KALRN: variants seen among roughly 807,000 people sequenced by gnomAD.
The protein encoded by KALRN is kalirin.
Under a neutral mutation model 353.7 loss-of-function variants are expected in KALRN, and 70 were observed. The ratio of observed to expected loss-of-function variants is 0.20; its 90% confidence interval spans 0.16 to 0.24. The LOEUF (loss-of-function observed/expected upper bound fraction) is 0.24, where lower values mean the gene tolerates loss of function less well. Ranked by LOEUF, KALRN falls within the 10% of genes least tolerant of loss-of-function variation. KALRN has a pLI of 1.00. For synonymous variants in KALRN, 1,391 were observed against 1,434.8 expected (o/e 0.97, Z 0.69); for missense variants, 2,791 against 3,756.7 (o/e 0.74, Z 6.72).
intron 37 of KALRN, among the ~76,000 whole-genome samples, chr3:124,647,430 T>C (rs1660031): frequency 0.23 from 35,726 of 152,042 alleles, 4,494 homozygotes; most frequent in East Asian, 0.47. Context: ...TCATTTGTTC[T>C]TTCACCCTAT....
intron 6 of KALRN, among the ~76,000 whole-genome samples, chr3:124,314,357 G>A (rs1192274405): frequency 1.7e-5 from 2 of 117,570 alleles, no homozygotes; most frequent in Non-Finnish European, 3.4e-5. Flanking sequence ...TTGTGGGGTG[G>A]GGGGAGGGGG....
intron 1 of KALRN, among the ~76,000 whole-genome samples, chr3:124,076,789 A>G (rs976916839): frequency 6.6e-6 from 1 of 152,224 alleles, no homozygotes; most frequent in Non-Finnish European, 1.5e-5. Context: ...GTGTCCCAGC[A>G]GCCACTCAGC....
chr3:124,331,502 C>G (rs542067487), intron 8 of KALRN, among the ~76,000 whole-genome samples: 1 of 152,196 alleles, frequency 6.6e-6, no homozygotes, highest in African/African-American at 2.4e-5. Flanking sequence ...ATGTAATGCA[C>G]TTGGCCCAGT....
chr3:124,034,483 T>C (rs538302677), intron 1 of KALRN, among the ~76,000 whole-genome samples: 5 of 152,242 alleles, frequency 3.3e-5, no homozygotes, highest in Non-Finnish European at 7.4e-5. Context: ...TACTCATTCC[T>C]GGAAGTGTGA....
intron 33 of KALRN, among the ~76,000 whole-genome samples, chr3:124,553,438 T>C (rs2070796336): frequency 6.6e-6 from 1 of 152,228 alleles, no homozygotes; most frequent in African/African-American, 2.4e-5. Context: ...TGCACTTCTG[T>C]GAAAATCGTC....
At chr3:124,441,538 G>A (rs1303659532) in intron 18 of KALRN, among the ~76,000 whole-genome samples, 4 of 152,188 alleles carry the variant, frequency 2.6e-5, no homozygotes, top group Non-Finnish European at 5.9e-5. Context: ...AAAAGTATAA[G>A]GAGGAGCCAG....
chr3:124,641,418 G>C (rs2082029519), intron 37 of KALRN, among the ~76,000 whole-genome samples: 1 of 152,224 alleles, frequency 6.6e-6, no homozygotes, highest in Non-Finnish European at 1.5e-5. Flanking sequence ...TGCTTTCACT[G>C]TGTGATTTTT....
chr3:124,388,085 A>G (rs535591598), intron 11 of KALRN, among the ~76,000 whole-genome samples: 8 of 152,202 alleles, frequency 5.3e-5, no homozygotes, highest in Admixed American at 3.3e-4. Flanking sequence ...CCCACACACT[A>G]AGTACAGCAA....
intron 1 of KALRN, among the ~76,000 whole-genome samples, chr3:124,187,739 T>G (rs1258628037): frequency 2.0e-5 from 3 of 152,168 alleles, no homozygotes; most frequent in African/African-American, 7.2e-5. Flanking sequence ...ACAGGCCAAT[T>G]AAGTCTACAA....
At chr3:124,379,911 T>G (rs1311529857) in intron 10 of KALRN, among the ~76,000 whole-genome samples, 1 of 152,248 alleles carries the variant, frequency 6.6e-6, no homozygotes, top group African/African-American at 2.4e-5. Flanking sequence ...GTGTCTCCTT[T>G]GTCTTTAATG....
chr3:124,490,625 G>T (rs926735514), intron 29 of KALRN, 69 bp from the exon 30 acceptor site: 14 of 1,436,862 alleles, frequency 9.7e-6, no homozygotes, highest in Non-Finnish European at 1.2e-5. Flanking sequence ...CTCCAAGAGG[G>T]GGGTGGAACA....
intron 33 of KALRN, among the ~76,000 whole-genome samples, chr3:124,515,147 G>T (rs1051359100): frequency 6.6e-6 from 1 of 152,166 alleles, no homozygotes; most frequent in South Asian, 2.1e-4. Flanking sequence ...TCCTTTTGTG[G>T]CTATTTTTCT....
At chr3:124,494,424 G>T (rs2108501514) in intron 32 of KALRN, among the ~76,000 whole-genome samples, 1 of 152,358 alleles carries the variant, frequency 6.6e-6, no homozygotes, top group East Asian at 1.9e-4. Context: ...ATAGCGGGAA[G>T]CAGAAAGTAC....
intron 1 of KALRN, among the ~76,000 whole-genome samples, chr3:124,211,762 C>T (rs949101866): frequency 6.6e-6 from 1 of 152,196 alleles, no homozygotes; most frequent in African/African-American, 2.4e-5. Flanking sequence ...GGGCTCTCTT[C>T]TGCCTCTCGA....
chr3:124,369,846 T>C (rs2085584683), intron 10 of KALRN, among the ~76,000 whole-genome samples: 1 of 147,586 alleles, frequency 6.8e-6, no homozygotes, highest in African/African-American at 2.5e-5. Context: ...AGATTCCACA[T>C]ATAAGTGAGA....
intron 1 of KALRN, among the ~76,000 whole-genome samples, chr3:124,069,644 T>C (rs1190517914): frequency 6.6e-6 from 1 of 152,112 alleles, no homozygotes; most frequent in African/African-American, 2.4e-5. Context: ...TGGGGAACCA[T>C]TGAGTGTTTT....
At chr3:124,712,461 G>C (rs2062935858) in intron 57 of KALRN, among the ~76,000 whole-genome samples, 1 of 151,918 alleles carries the variant, frequency 6.6e-6, no homozygotes, top group African/African-American at 2.4e-5. Context: ...AACTGCCATT[G>C]ATGGTTAAAA....
intron 57 of KALRN, among the ~76,000 whole-genome samples, chr3:124,707,129 A>G (rs2062659713): frequency 6.6e-6 from 1 of 152,046 alleles, no homozygotes; most frequent in Admixed American, 6.6e-5. Context: ...ACTTGAGCCC[A>G]GGAGTCCAAG....
intron 5 of KALRN, among the ~76,000 whole-genome samples, chr3:124,296,265 A>G (rs749265903): frequency 3.9e-5 from 6 of 152,182 alleles, no homozygotes; most frequent in Non-Finnish European, 8.8e-5. Flanking sequence ...AAAACGGAAC[A>G]TACAATTTCC....
Sources: allele counts gnomAD v4.1 joint callset (sites outside exome capture counted in the v4.1 genomes callset), GRCh38; gene constraint gnomAD v4.1.1; transcripts MANE v1.5; gene names NCBI Gene and HGNC (gene_info 2026-07-23, HGNC 2026-07-21).